SGPL1: variants seen among roughly 807,000 people sequenced by gnomAD.
SGPL1 encodes sphingosine-1-phosphate lyase 1.
SGPL1 carries 37 observed loss-of-function variants against 68.9 expected under a neutral mutation model. That is an observed-to-expected ratio of 0.54 (90% CI 0.41 to 0.71). The LOEUF is 0.71. Ranked by LOEUF, SGPL1 falls within the 30% of genes least tolerant of loss-of-function variation. The pLI is 0.00. For missense variants in SGPL1, 551 were observed against 704.6 expected (o/e 0.78, Z 2.47); for synonymous variants, 236 against 248.5 (o/e 0.95, Z 0.47).
At position 70,816,793 on chromosome 10, in the gene SGPL1, C is replaced by A; in HGVS notation, c.-43-18C>A. ...GTTTAAAGCTCTAGAAGTAAACAAACCTGGTTCCCTTTTACAGAGTCTGAA... is the reference window on the plus strand; with the variant it reads ...GTTTAAAGCTCTAGAAGTAAACAAAACTGGTTCCCTTTTACAGAGTCTGAA... On this transcript the variant is annotated intron_variant, in intron 1 of 14. Coordinates refer to ENST00000373202, the MANE Select transcript of SGPL1 (RefSeq NM_003901.4). The A allele has an allele frequency of 1.9e-6, 3 of 1,566,736 alleles. No homozygotes were observed. Among genetic ancestry groups the A allele is most frequent in the Admixed American group, 1.7e-5 (1 of 59,966 alleles).
chr10:70,817,174 C>T (rs1256009042), intron 2 of SGPL1, among the ~76,000 whole-genome samples: 1 of 152,180 alleles, frequency 6.6e-6, no homozygotes, highest in African/African-American at 2.4e-5. Context: ...CGCACGCCAC[C>T]ACGCCCGGCT....
chr10:70,845,050 T>G (rs1305819606), intron 3 of SGPL1, among the ~76,000 whole-genome samples: 1 of 152,194 alleles, frequency 6.6e-6, no homozygotes, highest in East Asian at 1.9e-4. Flanking sequence ...GGTTTGGTTC[T>G]TATTTTTAAA....
intron 2 of SGPL1, among the ~76,000 whole-genome samples, chr10:70,831,279 TC>T (rs1179017171): frequency 6.6e-6 from 1 of 152,108 alleles, no homozygotes; most frequent in East Asian, 1.9e-4. Flanking sequence ...GGGATTTTTT[TC>T]CCCACACTCC....
chr10:70,831,788 C>G (rs1845540194), intron 2 of SGPL1, among the ~76,000 whole-genome samples: 1 of 152,168 alleles, frequency 6.6e-6, no homozygotes, highest in Non-Finnish European at 1.5e-5. Flanking sequence ...TGATCTCATA[C>G]TAATAGACTG....
chr10:70,855,025 T>G (rs574483447), intron 5 of SGPL1, among the ~76,000 whole-genome samples, 170 bp downstream of exon 5: 1 of 152,368 alleles, frequency 6.6e-6, no homozygotes, highest in South Asian at 2.1e-4. Context: ...TATGTTTAGA[T>G]TCATCCTTCA....
chr10:70,834,949 T>C (rs1354039003), intron 2 of SGPL1, among the ~76,000 whole-genome samples: 4 of 152,210 alleles, frequency 2.6e-5, no homozygotes, highest in African/African-American at 7.2e-5. Flanking sequence ...TGATGGCCTA[T>C]GATGTGATGA....
At position 70,843,152 on chromosome 10, in the gene SGPL1, T is replaced by C. The variant is rs565670315; in HGVS notation, c.28-1321T>C. Among the ~76,000 whole-genome samples, 3 of 152,334 alleles carry C rather than the reference T, an allele frequency of 2.0e-5. No homozygotes were observed. The East Asian group carries it at 5.8e-4, about 29-fold the overall frequency. The stretch of plus-strand genomic sequence containing the variant: ...TGCCCTCTGTCATTATCTTTATCCC[T>C]TCAGAGTTAGATAGTCCTTCCTCAG... On this transcript the variant is annotated intron_variant, in intron 2 of 14. Transcript: ENST00000373202.
chr10:70,830,752 T>A (rs929907802), intron 2 of SGPL1, among the ~76,000 whole-genome samples: 1 of 152,234 alleles, frequency 6.6e-6, no homozygotes, highest in Admixed American at 6.5e-5. Flanking sequence ...TAAGATTTTA[T>A]GTTCACAAGC....
chr10:70,872,136 C>A, intron 11 of SGPL1, 150 bp downstream of exon 11: 1 of 779,022 alleles, frequency 1.3e-6, no homozygotes, highest in Non-Finnish European at 2.0e-6. Context: ...GTCACCAGAT[C>A]AGCTGGTTCA....
intron 2 of SGPL1, among the ~76,000 whole-genome samples, chr10:70,844,205 G>A (rs935110942): frequency 1.3e-5 from 2 of 152,110 alleles, no homozygotes; most frequent in Admixed American, 1.3e-4. Context: ...CTGAAGTGAC[G>A]ATCTAGCTTA....
intron 3 of SGPL1, among the ~76,000 whole-genome samples, chr10:70,849,714 A>G (rs927199683): frequency 6.6e-6 from 1 of 152,238 alleles, no homozygotes; most frequent in East Asian, 1.9e-4. Context: ...CCTTCTGGCC[A>G]GGAAAGTGGG....
rs928088055 is a variant in SGPL1, at chr10:70,859,253, C to A, written c.487-118C>A. On this transcript the variant is annotated intron_variant, in intron 6 of 14. Transcript: ENST00000373202. ...CTTTTGGTTGAGGAATATATCTTAT[C>A]TTTTTTTCCAGTTTATATTGTTGTG... The A allele has an allele frequency of 4.2e-5, 27 of 644,432 alleles. No individual in the cohort carries two copies. In the African/African-American group the frequency reaches 5.0e-4, roughly 12 times the overall value. 39.9% of individuals were successfully genotyped at this position (644,432 alleles called of 1,614,324 possible).
Position 70,871,925 on chromosome 10 carries a change from T to G in SGPL1, c.998T>G (p.Leu333Arg). ...TTTATGGAGAAAGCAGGATACCCACTGGAGCACCCATTTGATTTCCGGGTG... is the reference window on the plus strand; with the variant it reads ...TTTATGGAGAAAGCAGGATACCCACGGGAGCACCCATTTGATTTCCGGGTG... ...IVFMEKAGYP[L>R]EHPFDFRVKG... is the part of the protein sequence containing the mutation. The change falls in exon 11 of 15, where the codon CTG becomes CGG. Residue 333 changes from leucine to arginine, a missense_variant. Physicochemically the swap from Leu to Arg is moderately radical, Grantham distance 102. Transcript: ENST00000373202. 6.2e-7 allele frequency: 1 copy of G among 1,614,174 alleles called. No individual in the cohort carries two copies. The highest frequency in any genetic ancestry group is 8.5e-7 in the Non-Finnish European group (1 of 1,180,020).
At position 70,851,195 on chromosome 10, in the gene SGPL1, C is replaced by A. The variant is rs1400835454; in HGVS notation, c.246C>A (p.Pro82=). 6.2e-7 allele frequency: 1 copy of A among 1,613,108 alleles called. No homozygotes were observed. The highest frequency in any genetic ancestry group is 1.3e-5 in the African/African-American group (1 of 74,860). The change falls in exon 4 of 15, where the codon CCC becomes CCA. Residue 82 remains proline, a synonymous_variant. Coordinates refer to ENST00000373202, the MANE Select transcript of SGPL1 (RefSeq NM_003901.4). ...GTTTTAAGCTCACCAGGAAGATGCC[C>A]ATTATTGGTCGTAAGGTAAGTAGAA... ...KKCFKLTRKM[P]IIGRKIQDKL... is the part of the protein sequence containing the mutation.
At chr10:70,876,039 T>C (rs908769462) in intron 13 of SGPL1, among the ~76,000 whole-genome samples, 1 of 152,206 alleles carries the variant, frequency 6.6e-6, no homozygotes, top group African/African-American at 2.4e-5. Context: ...CAGCTTAGCC[T>C]TCCACACGTT....
chr10:70,840,005 C>T lies in SGPL1; in HGVS notation c.28-4468C>T, dbSNP rs75577356. Reference sequence around the variant, plus strand: ...GAGCTGTCCTGGACTGCATGTTGGACAAGGTTGATCTAGATGTTTATCTGT... The same window carrying T: ...GAGCTGTCCTGGACTGCATGTTGGATAAGGTTGATCTAGATGTTTATCTGT... On this transcript the variant is annotated intron_variant, in intron 2 of 14. Transcript: ENST00000373202. Among the ~76,000 whole-genome samples the T allele has an allele frequency of 5.9e-3, 895 of 151,972 alleles. 12 individuals carry two copies. Among genetic ancestry groups the T allele is most frequent in the South Asian group, 0.033 (159 of 4,808 alleles).
Position 70,817,020 on chromosome 10 carries a change from T to C in SGPL1, c.27+140T>C, listed in dbSNP as rs945569761. The C allele has an allele frequency of 3.3e-6, 3 of 911,242 alleles. No individual in the cohort carries two copies. The Admixed American group carries it at 5.3e-5, about 16-fold the overall frequency. 56.4% of individuals were successfully genotyped at this position (911,242 alleles called of 1,614,324 possible). ...TTTTGCCACCTTTTATTTTGTTTTG[T>C]TTTGTTTTGTTTTTTTGGAGACGGA... On this transcript the variant is annotated intron_variant, in intron 2 of 14. Transcript: ENST00000373202.
chr10:70,850,655 G>C (rs138072419), intron 3 of SGPL1, among the ~76,000 whole-genome samples: 1 of 152,060 alleles, frequency 6.6e-6, no homozygotes, highest in Non-Finnish European at 1.5e-5. Flanking sequence ...CATCATTAAG[G>C]GGCAGGTTAA....
chr10:70,826,266 A>G (rs1413239405), intron 2 of SGPL1, among the ~76,000 whole-genome samples: 2 of 152,148 alleles, frequency 1.3e-5, no homozygotes, highest in African/African-American at 4.8e-5. Context: ...ATACAATACA[A>G]TGCAATGCCA....
Sources: allele counts gnomAD v4.1 joint callset (sites outside exome capture counted in the v4.1 genomes callset), GRCh38; gene constraint gnomAD v4.1.1; transcripts MANE v1.5; gene names NCBI Gene and HGNC (gene_info 2026-07-23, HGNC 2026-07-21).